The following EEPD1 variants were observed in gnomAD, a reference collection of about 807,000 sequenced individuals.
EEPD1 encodes endonuclease/exonuclease/phosphatase family domain containing 1.
A neutral mutation model predicts 46.3 loss-of-function variants in EEPD1; 17 were observed. That is an observed-to-expected ratio of 0.37 (90% CI 0.25 to 0.55). The LOEUF (loss-of-function observed/expected upper bound fraction) is 0.55. Among genes scored for constraint, EEPD1 ranks in the 20% least tolerant of loss-of-function variants. EEPD1 has a pLI of 0.83. For synonymous variants in EEPD1, 313 were observed against 315.6 expected, an observed-to-expected ratio of 0.99 and a Z score of 0.09; for missense variants, 673 against 745.6, an observed-to-expected ratio of 0.90 and a Z score of 1.13.
chr7:36,213,571 G>T (rs759218205), intron 2 of EEPD1, among the ~76,000 whole-genome samples: 29 of 152,142 alleles, frequency 1.9e-4, no homozygotes, highest in Non-Finnish European at 4.1e-4. Flanking sequence ...GCATAGAGGA[G>T]GTCGGAAAGA....
At chr7:36,195,284 C>A (rs2726100) in intron 2 of EEPD1, among the ~76,000 whole-genome samples, 16,759 of 152,268 alleles carry the variant, frequency 0.11, 1,213 homozygotes, top group Non-Finnish European at 0.17. Flanking sequence ...GCGACTCCTG[C>A]CTCCCTGACC....
intron 6 of EEPD1, among the ~76,000 whole-genome samples, chr7:36,292,281 A>G (rs1001646882): frequency 3.9e-5 from 6 of 152,194 alleles, no homozygotes; most frequent in African/African-American, 1.4e-4. Context: ...ACAAACTTCA[A>G]ATTCCACACT....
chr7:36,187,126 T>C (rs1260354532), intron 2 of EEPD1, among the ~76,000 whole-genome samples: 1 of 152,226 alleles, frequency 6.6e-6, no homozygotes. Flanking sequence ...ATTTTGCCCT[T>C]GTTACAACTC....
At chr7:36,190,947 GCCACCTT>G (rs1316917851) in intron 2 of EEPD1, among the ~76,000 whole-genome samples, 1 of 152,200 alleles carries the variant, frequency 6.6e-6, no homozygotes, top group Non-Finnish European at 1.5e-5. Context: ...TCTCTTGCAG[GCCACCTT>G]CCCTTAAGTC....
chr7:36,284,897 G>A, intron 5 of EEPD1, 77 bp downstream of exon 5: 2 of 1,408,940 alleles, frequency 1.4e-6, no homozygotes, highest in South Asian at 1.6e-5. Flanking sequence ...TTTTGTAATA[G>A]CATGAGTAAG....
intron 2 of EEPD1, among the ~76,000 whole-genome samples, chr7:36,198,324 G>GAAAAAA (rs1192041161): frequency 4.0e-5 from 1 of 25,250 alleles, no homozygotes; most frequent in African/African-American, 1.3e-4. Flanking sequence ...CTGGTCTTAA[G>GAAAAAA]AAAAAAAAAA....
chr7:36,218,886 G>T (rs1029792969), intron 2 of EEPD1, among the ~76,000 whole-genome samples: 2 of 152,122 alleles, frequency 1.3e-5, no homozygotes, highest in African/African-American at 4.8e-5. Context: ...GGAGAATGGC[G>T]ATTTTGTCCA....
chr7:36,227,552 T>C (rs1249367460), intron 2 of EEPD1, among the ~76,000 whole-genome samples: 1 of 152,140 alleles, frequency 6.6e-6, no homozygotes, highest in Non-Finnish European at 1.5e-5. Context: ...AGGAGGAAAG[T>C]AAGCATGGGG....
chr7:36,287,163 G>GAGGCT lies in EEPD1; in HGVS notation c.1177-476_1177-475insAGGCT, dbSNP rs1485164770. ...GAGGCAGGAGAATCACTTGAACCCG[G>GAGGCT]GAGGCAGAGGTTACAGTGAGCTGAG... On this transcript the variant is annotated intron_variant, in intron 5 of 7. Transcript: ENST00000242108. Among the ~76,000 whole-genome samples, 6 of 149,806 alleles carry GAGGCT rather than the reference G, an allele frequency of 4.0e-5. No homozygotes were observed. In the Admixed American group the frequency reaches 4.0e-4, roughly 10 times the overall value.
intron 2 of EEPD1, among the ~76,000 whole-genome samples, chr7:36,173,497 T>TA (rs879764843): frequency 1.3e-3 from 182 of 141,504 alleles, no homozygotes; most frequent in Middle Eastern, 3.7e-3. Context: ...GACTCCGTCT[T>TA]AAAAAAAAAA....
At chr7:36,180,479 T>C (rs1785254196) in intron 2 of EEPD1, among the ~76,000 whole-genome samples, 1 of 152,162 alleles carries the variant, frequency 6.6e-6, no homozygotes, top group Admixed American at 6.5e-5. Context: ...TTGGCCTTAC[T>C]GTTGGAATAC....
At chr7:36,271,664 T>A (rs1433270997) in intron 3 of EEPD1, among the ~76,000 whole-genome samples, 1 of 145,924 alleles carries the variant, frequency 6.9e-6, no homozygotes, top group Admixed American at 7.0e-5. Flanking sequence ...TTTTTGGTGT[T>A]TTAGTCATGA....
At chr7:36,195,349 A>G (rs920214941) in intron 2 of EEPD1, among the ~76,000 whole-genome samples, 1 of 152,174 alleles carries the variant, frequency 6.6e-6, no homozygotes, top group African/African-American at 2.4e-5. Flanking sequence ...CCCTGATGGA[A>G]TGATGTGGTG....
intron 2 of EEPD1, among the ~76,000 whole-genome samples, chr7:36,168,537 G>A (rs1785026856): frequency 6.6e-6 from 1 of 152,094 alleles, no homozygotes; most frequent in South Asian, 2.1e-4. Context: ...GGTGGATCAC[G>A]AGGTCAGGAG....
chr7:36,248,745 C>G (rs1562701586), intron 3 of EEPD1, among the ~76,000 whole-genome samples: 1 of 152,050 alleles, frequency 6.6e-6, no homozygotes, highest in Non-Finnish European at 1.5e-5. Flanking sequence ...ATTGTAATCA[C>G]TTTCCTGGCT....
chr7:36,281,221 A>G lies in EEPD1; in HGVS notation c.1037A>G (p.Gln346Arg). 2 of 1,614,002 alleles carry G rather than the reference A, an allele frequency of 1.2e-6. No homozygotes were observed. The highest frequency in any genetic ancestry group is 1.3e-5 in the African/African-American group (1 of 75,054). ...GCTGAGAAGCCCTCGAGTCAGCTCC[A>G]GAAGGTACCCTCGTCTGCAAAGCCT... Reference protein sequence around the residue: ...VVAEKPSSQLQKGAGYAGFLW... With the variant: ...VVAEKPSSQLRKGAGYAGFLW... Residue 346 changes from glutamine to arginine, a missense_variant, in exon 4 of 8, where the codon CAG becomes CGG. Transcript: ENST00000242108.
Position 36,297,090 on chromosome 7 carries a change from C to T in EEPD1, c.1413C>T (p.Pro471=), listed in dbSNP as rs745462745. Residue 471 remains proline, a synonymous_variant, in exon 7 of 8, where the codon CCC becomes CCT. Coordinates refer to ENST00000242108, the MANE Select transcript of EEPD1 (RefSeq NM_030636.3). Reference sequence around the variant, plus strand: ...AAGAAAAGTTCCACCACCTGATCCCCGCGCACACCTTCACCAACATCAGCA... The same window carrying T: ...AAGAAAAGTTCCACCACCTGATCCCTGCGCACACCTTCACCAACATCAGCA... The part of the protein sequence containing the change: ...LRKEKFHHLI[P]AHTFTNISTK... 28 of 1,614,064 alleles carry T rather than the reference C, an allele frequency of 1.7e-5. No homozygotes were observed. Among genetic ancestry groups the T allele is most frequent in the East Asian group, 2.2e-5 (1 of 44,902 alleles).
Sources: gnomAD v4.1 joint callset for allele counts (sites outside exome capture counted in the v4.1 genomes callset) on GRCh38, gnomAD v4.1.1 for gene constraint, MANE v1.5 for transcripts, NCBI Gene and HGNC (gene_info 2026-07-23, HGNC 2026-07-21) for gene names.